PLEKHG1: variants seen among roughly 807,000 people sequenced by gnomAD.
PLEKHG1 encodes pleckstrin homology and RhoGEF domain containing G1, also known as pleckstrin homology domain-containing family G member 1.
In PLEKHG1, 44 loss-of-function variants were observed where a neutral mutation model predicts 100.8. The ratio of observed to expected loss-of-function variants is 0.44; its 90% CI spans 0.34 to 0.56. The LOEUF is 0.56. Ranked by LOEUF, PLEKHG1 falls within the 20% of genes least tolerant of loss-of-function variation. PLEKHG1 has a pLI of 0.01. For synonymous variants in PLEKHG1, 640 were observed against 662.5 expected, an observed-to-expected ratio of 0.97 and a Z score of 0.52; for missense variants, 1,545 against 1,720.9, an observed-to-expected ratio of 0.90 and a Z score of 1.81.
At chr6:150,653,951 TTC>T (rs766766093) in intron 3 of PLEKHG1, among the ~76,000 whole-genome samples, 1 of 152,210 alleles carries the variant, frequency 6.6e-6, no homozygotes, top group Non-Finnish European at 1.5e-5. Context: ...ATCATTGATA[TTC>T]TGTTTGCTTT....
intron 1 of PLEKHG1, among the ~76,000 whole-genome samples, chr6:150,633,967 C>T (rs537174534): frequency 1.3e-5 from 2 of 152,102 alleles, no homozygotes; most frequent in Admixed American, 6.5e-5. Context: ...TGAGGCTGGG[C>T]GTGGTGGCTC....
intron 4 of PLEKHG1, among the ~76,000 whole-genome samples, chr6:150,794,680 C>T (rs550824118): frequency 4.5e-4 from 68 of 151,946 alleles, no homozygotes; most frequent in African/African-American, 1.5e-3. Flanking sequence ...AAAATAAAGT[C>T]CTTATTTTAG....
At chr6:150,795,778 ATTTC>A (rs1272986981) in intron 4 of PLEKHG1, 74 bp from the exon 6 acceptor site, 1 of 821,198 alleles carries the variant, frequency 1.2e-6, no homozygotes, top group Non-Finnish European at 2.1e-6. Context: ...CCCGAATGCT[ATTTC>A]TTTTTATTGT....
chr6:150,755,826 C>T (rs1016489173), intron 2 of PLEKHG1, among the ~76,000 whole-genome samples: 3 of 151,992 alleles, frequency 2.0e-5, no homozygotes, highest in South Asian at 2.1e-4. Context: ...CAGATAAATC[C>T]GTCCTGGGAA....
chr6:150,730,484 T>C (rs1341801671), intron 1 of PLEKHG1, among the ~76,000 whole-genome samples: 1 of 152,172 alleles, frequency 6.6e-6, no homozygotes. Flanking sequence ...GAGAATCTAA[T>C]GCTGCTGCTG....
chr6:150,673,425 T>A (rs998577401), intron 3 of PLEKHG1, among the ~76,000 whole-genome samples: 4 of 152,168 alleles, frequency 2.6e-5, no homozygotes, highest in Admixed American at 1.3e-4. Context: ...TAGACAAAGT[T>A]CATTTTCTTT....
At chr6:150,837,600 C>T (rs1196331188) in intron 15 of PLEKHG1, among the ~76,000 whole-genome samples, 1 of 152,230 alleles carries the variant, frequency 6.6e-6, no homozygotes, top group Non-Finnish European at 1.5e-5. Flanking sequence ...AAGTTCAGAG[C>T]CTTCCTGATA....
chr6:150,684,378 G>A (rs1055753447), intron 3 of PLEKHG1, among the ~76,000 whole-genome samples: 4 of 152,222 alleles, frequency 2.6e-5, no homozygotes, highest in Non-Finnish European at 4.4e-5. Context: ...CGGGAATGAC[G>A]AATGCACAAA....
intron 15 of PLEKHG1, 134 bp from the exon 17 acceptor site, chr6:150,839,699 C>G: frequency 1.6e-6 from 1 of 614,668 alleles, no homozygotes; most frequent in Non-Finnish European, 2.9e-6. Context: ...GATTACTCAT[C>G]CTTAGACATC....
intron 3 of PLEKHG1, among the ~76,000 whole-genome samples, chr6:150,786,182 G>C (rs1374244994): frequency 6.6e-6 from 1 of 152,132 alleles, no homozygotes; most frequent in Non-Finnish European, 1.5e-5. Context: ...AGAGTTATGG[G>C]TTCAACCTGG....
chr6:150,666,124 C>G (rs1779387937), intron 3 of PLEKHG1, among the ~76,000 whole-genome samples: 1 of 152,346 alleles, frequency 6.6e-6, no homozygotes, highest in South Asian at 2.1e-4. Flanking sequence ...AGTCCTTCCT[C>G]TACCCTGGCA....
At chr6:150,806,088 G>A (rs1217352080) in intron 7 of PLEKHG1, among the ~76,000 whole-genome samples, 4 of 151,968 alleles carry the variant, frequency 2.6e-5, no homozygotes, top group Non-Finnish European at 5.9e-5. Context: ...TGCCTAACTC[G>A]GGAAAAAAGA....
intron 3 of PLEKHG1, chr6:150,662,648 GC>G (rs1562419568): frequency 6.6e-6 from 1 of 152,030 alleles, no homozygotes; most frequent in East Asian, 1.9e-4. Context: ...ACTCCTGACC[GC>G]CCACCTCAGC....
intron 3 of PLEKHG1, among the ~76,000 whole-genome samples, chr6:150,780,983 CCTGCCT>C (rs1785279256): frequency 6.6e-6 from 1 of 151,762 alleles, no homozygotes; most frequent in Non-Finnish European, 1.5e-5. Context: ...AAGCAATTCT[CCTGCCT>C]CAGCCTCCTG....
Position 150,831,775 on chromosome 6 carries a change from G to A in PLEKHG1, c.2664G>A (p.Val888=). The change falls in exon 15 of 16, where the codon GTG becomes GTA. Residue 888 remains valine (V), a synonymous_variant. Transcript: ENST00000358517. This position sits in a 1 kb window ranked among gnomAD's most constrained non-coding sequence, Gnocchi z 4.1. The stretch of plus-strand genomic sequence containing the variant: ...TGAGCCGGGACGTGGGGCGCTCTGT[G>A]TCCACGCTGTCCCTGCCTGAGAGCC... 6.2e-7 allele frequency: 1 copy of A among 1,613,550 alleles called. No individual in the cohort carries two copies. The highest frequency in any genetic ancestry group is 8.5e-7 in the Non-Finnish European group (1 of 1,179,822).
rs59430978 is a variant in PLEKHG1 at position 150,727,604 on chromosome 6, C to CAA, written c.-98-5970_-98-5969dup. ...TCTTTTCCTTTTATTAAGGATGGCA[C>CAA]AAAAAAAAAAAGAATATTTTATTTG... On this transcript the variant is annotated intron_variant, in intron 1 of 15. Transcript: ENST00000358517. 8.9e-3 allele frequency among the ~76,000 whole-genome samples: 1,285 copies of CAA among 144,394 alleles called. 18 individuals are homozygous for CAA. Among genetic ancestry groups the CAA allele is most frequent in the African/African-American group, 0.03 (1,201 of 39,752 alleles). 94.7% of individuals were successfully genotyped at this position (144,394 alleles called of 152,430 possible).
chr6:150,814,103 T>C (rs1486538161), intron 10 of PLEKHG1, among the ~76,000 whole-genome samples: 1 of 152,204 alleles, frequency 6.6e-6, no homozygotes. Flanking sequence ...GCATGAGTTT[T>C]CATTTCGTCA....
chr6:150,774,238 T>C (rs1372375477), intron 3 of PLEKHG1, among the ~76,000 whole-genome samples: 1 of 152,230 alleles, frequency 6.6e-6, no homozygotes, highest in Non-Finnish European at 1.5e-5. Flanking sequence ...TGTTTAGACA[T>C]TGGCGTCCTT....
intron 1 of PLEKHG1, among the ~76,000 whole-genome samples, chr6:150,612,044 TTC>T (rs1491406805): frequency 1.4e-3 from 65 of 46,900 alleles, no homozygotes; most frequent in African/African-American, 5.1e-3. Flanking sequence ...CCTGGTGTTG[TTC>T]CCCCCCCCCC....
Sources: gnomAD v4.1 joint callset for allele counts (sites outside exome capture counted in the v4.1 genomes callset) on GRCh38, gnomAD v4.1.1 for gene constraint, Gnocchi (gnomAD v3.1) non-coding constraint, MANE v1.5 for transcripts, NCBI Gene and HGNC (gene_info 2026-07-23, HGNC 2026-07-21) for gene names.